COL25A1: variants seen among roughly 807,000 people sequenced by gnomAD.
The protein encoded by COL25A1 is collagen alpha-1(XXV) chain.
A neutral mutation model predicts 128.4 loss-of-function variants in COL25A1; 103 were observed. The ratio of observed to expected loss-of-function variants is 0.80; its 90% confidence interval spans 0.68 to 0.94. The LOEUF (loss-of-function observed/expected upper bound fraction) is 0.94, where lower values mean the gene tolerates loss of function less well. COL25A1 is among the 40% of genes least tolerant of loss of function. The pLI is 0.00. For missense variants in COL25A1, 745 were observed against 840.0 expected (o/e 0.89, Z 1.40); for synonymous variants, 279 against 277.2 (o/e 1.01, Z -0.06).
rs547667892 is a variant in COL25A1, at chr4:109,201,375, TAAGA to T, written c.367+99204_367+99207del. ...TAATGAAATCCACCACACAACAGGC[TAAGA>T]AAGAAAAACAATACAGTCATATAAA... On this transcript the variant is annotated intron_variant, in intron 3 of 37. Coordinates refer to ENST00000399132, the MANE Select transcript of COL25A1 (RefSeq NM_198721.4). Among the ~76,000 whole-genome samples the T allele has an allele frequency of 2.3e-3, 351 of 152,218 alleles. 1 individual carries two copies. The highest frequency in any genetic ancestry group is 7.6e-3 in the African/African-American group (316 of 41,540).
chr4:109,236,946 T>C (rs1225204422), intron 3 of COL25A1, among the ~76,000 whole-genome samples: 2 of 152,038 alleles, frequency 1.3e-5, no homozygotes, highest in East Asian at 3.8e-4. Context: ...AGGAACATTG[T>C]TATACAGTTT....
At chr4:109,246,630 G>A (rs1344915183) in intron 3 of COL25A1, among the ~76,000 whole-genome samples, 1 of 151,974 alleles carries the variant, frequency 6.6e-6, no homozygotes, top group African/African-American at 2.4e-5. Flanking sequence ...AAATATTTTA[G>A]AATTAAATTG....
intron 16 of COL25A1, among the ~76,000 whole-genome samples, chr4:108,892,436 A>G (rs1182948317): frequency 6.6e-6 from 1 of 152,180 alleles, no homozygotes; most frequent in Non-Finnish European, 1.5e-5. Flanking sequence ...GTAGTGACTT[A>G]TTTTTATCAG....
chr4:109,185,624 A>C (rs537565137), intron 3 of COL25A1, among the ~76,000 whole-genome samples: 2 of 152,334 alleles, frequency 1.3e-5, no homozygotes, highest in East Asian at 3.9e-4. Flanking sequence ...CAAATGCTAA[A>C]TCCCTAACCC....
intron 6 of COL25A1, among the ~76,000 whole-genome samples, chr4:108,974,929 C>T (rs1325264180): frequency 6.6e-6 from 1 of 152,162 alleles, no homozygotes; most frequent in African/African-American, 2.4e-5. Context: ...ACTATTCTGA[C>T]CCCTGACAAT....
chr4:109,286,104 TCA>T (rs1344583688), intron 3 of COL25A1, among the ~76,000 whole-genome samples: 1 of 152,166 alleles, frequency 6.6e-6, no homozygotes, highest in Non-Finnish European at 1.5e-5. Flanking sequence ...TGTGGTACAA[TCA>T]TATAATAGTG....
chr4:108,835,861 C>CTTTT lies in COL25A1; in HGVS notation c.1657-3432_1657-3429dup, dbSNP rs1158184110. ...GCCACAGTGCCCGGCTTACATACGT[C>CTTTT]TTTTTTTTTTTTTTTTTTTTTTTTT... On this transcript the variant is annotated intron_variant, in intron 31 of 37. Coordinates refer to ENST00000399132, the MANE Select transcript of COL25A1 (RefSeq NM_198721.4). 8.1e-4 allele frequency among the ~76,000 whole-genome samples: 37 copies of CTTTT among 45,722 alleles called. 2 individuals carry two copies. The highest frequency in any genetic ancestry group is 6.6e-3 in the South Asian group (5 of 758). 30.0% of individuals were successfully genotyped at this position (45,722 alleles called of 152,430 possible). A position where few individuals can be genotyped will look rare whatever the true frequency, so the allele number is the denominator to read the frequency against.
chr4:108,882,578 A>G (rs1484051334), intron 19 of COL25A1, among the ~76,000 whole-genome samples: 1 of 152,172 alleles, frequency 6.6e-6, no homozygotes, highest in South Asian at 2.1e-4. Flanking sequence ...GTAAAAAGCC[A>G]TCTTTGTGTG....
At chr4:109,220,472 C>G (rs1023665105) in intron 3 of COL25A1, among the ~76,000 whole-genome samples, 9 of 152,086 alleles carry the variant, frequency 5.9e-5, no homozygotes, top group African/African-American at 1.9e-4. Flanking sequence ...TGTGGTTCCC[C>G]CATGGAATGC....
intron 3 of COL25A1, among the ~76,000 whole-genome samples, chr4:109,225,840 T>C (rs530906304): frequency 6.6e-6 from 1 of 152,092 alleles, no homozygotes; most frequent in South Asian, 2.1e-4. Flanking sequence ...ATATATAAAA[T>C]GGAACACTAT....
At chr4:109,168,598 C>T (rs1773288116) in intron 3 of COL25A1, among the ~76,000 whole-genome samples, 1 of 151,958 alleles carries the variant, frequency 6.6e-6, no homozygotes, top group South Asian at 2.1e-4. Context: ...CAAAATATAC[C>T]GATGGAGTTC....
At chr4:109,108,933 C>T (rs532411592) in intron 3 of COL25A1, among the ~76,000 whole-genome samples, 8 of 152,100 alleles carry the variant, frequency 5.3e-5, no homozygotes, top group Non-Finnish European at 1.0e-4. Flanking sequence ...ATTGAAATAT[C>T]TGCTTTATTG....
chr4:109,163,762 G>A (rs1357204442), intron 3 of COL25A1, among the ~76,000 whole-genome samples: 1 of 152,186 alleles, frequency 6.6e-6, no homozygotes, highest in East Asian at 1.9e-4. Context: ...GAAGCCACCT[G>A]TGCCTCTGCT....
chr4:109,077,379 A>G (rs1222349886), intron 3 of COL25A1, among the ~76,000 whole-genome samples: 1 of 152,156 alleles, frequency 6.6e-6, no homozygotes, highest in Admixed American at 6.5e-5. Context: ...CTCTATTTCC[A>G]TAATGCTAAT....
chr4:109,138,860 A>C (rs1053620277), intron 3 of COL25A1, among the ~76,000 whole-genome samples: 2 of 151,854 alleles, frequency 1.3e-5, no homozygotes, highest in African/African-American at 2.4e-5. Context: ...GGCACCCACC[A>C]CCACGCCTGG....
chr4:109,070,116 G>C (rs115832155), intron 3 of COL25A1, among the ~76,000 whole-genome samples: 1 of 151,754 alleles, frequency 6.6e-6, no homozygotes, highest in Non-Finnish European at 1.5e-5. Flanking sequence ...AAAACTAGCC[G>C]GGCATGGGGT....
At chr4:108,863,423 C>T (rs1737508193) in intron 20 of COL25A1, 36 bp from the exon 21 acceptor site, 11 of 1,568,830 alleles carry the variant, frequency 7.0e-6, no homozygotes, top group South Asian at 1.2e-5. Context: ...ATGGTCATTC[C>T]CCCCACCCAG....
At chr4:108,865,003 T>C (rs940763854) in intron 20 of COL25A1, among the ~76,000 whole-genome samples, 3 of 152,216 alleles carry the variant, frequency 2.0e-5, no homozygotes, top group Admixed American at 2.0e-4. Context: ...TCGTTGATCA[T>C]TTTCTCAGGA....
Position 108,846,295 on chromosome 4 carries a change from T to A in COL25A1, c.1435-76A>T, listed in dbSNP as rs1001217346. The A allele has an allele frequency of 5.2e-5, 42 of 809,294 alleles. 1 individual carries two copies. The highest frequency in any genetic ancestry group is 7.7e-5 in the Non-Finnish European group (40 of 520,764). 50.1% of individuals were successfully genotyped at this position (809,294 alleles called of 1,614,324 possible). A position where few individuals can be genotyped will look rare whatever the true frequency, so the allele number is the denominator to read the frequency against. ...AATTACATCCTAGGGAAAACAGAAT[T>A]CCGATCAATTTCGTTAATAGGTGGG... is the stretch of plus-strand genomic sequence containing the variant. On this transcript the variant is annotated intron_variant, in intron 27 of 37. Transcript: ENST00000399132.
Sources: gnomAD v4.1 joint callset for allele counts (sites outside exome capture counted in the v4.1 genomes callset) on GRCh38, gnomAD v4.1.1 for gene constraint, MANE v1.5 for transcripts, NCBI Gene and HGNC (gene_info 2026-07-23, HGNC 2026-07-21) for gene names.